Variants in SLC1A2 observed in about 807,000 individuals in gnomAD.
SLC1A2 encodes excitatory amino acid transporter 2.
SLC1A2 carries 15 observed loss-of-function variants against 48.8 expected under a neutral mutation model. The ratio of observed to expected loss-of-function variants is 0.31; its 90% CI spans 0.21 to 0.47. SLC1A2 has a LOEUF of 0.47. SLC1A2 is among the 20% of genes least tolerant of loss of function. SLC1A2 has a pLI of 0.99. For synonymous variants in SLC1A2, 279 were observed against 272.6 expected (o/e 1.02, Z -0.23); for missense variants, 502 against 730.5 (o/e 0.69, Z 3.61).
chr11:35,331,792 G>A (rs1466875961), intron 1 of SLC1A2, among the ~76,000 whole-genome samples: 1 of 152,080 alleles, frequency 6.6e-6, no homozygotes, highest in African/African-American at 2.4e-5. Context: ...CTTTTCCTGA[G>A]CCCCCAATCT....
intron 1 of SLC1A2, among the ~76,000 whole-genome samples, chr11:35,352,997 A>T (rs1853319171): frequency 6.6e-6 from 1 of 152,170 alleles, no homozygotes; most frequent in African/African-American, 2.4e-5. Context: ...TCATTTCAAG[A>T]CCGACTTTGA....
At chr11:35,398,956 TTTC>T (rs1198981443) in intron 1 of SLC1A2, among the ~76,000 whole-genome samples, 2 of 152,160 alleles carry the variant, frequency 1.3e-5, no homozygotes, top group Admixed American at 6.5e-5. Flanking sequence ...GCAGAGGGTG[TTTC>T]AGCAGCTTCC....
chr11:35,407,709 C>T (rs866832863), intron 1 of SLC1A2, among the ~76,000 whole-genome samples: 1 of 152,166 alleles, frequency 6.6e-6, no homozygotes, highest in African/African-American at 2.4e-5. Context: ...ACGATTTGAC[C>T]TCTCCATAGC....
At chr11:35,390,529 A>C (rs953598855) in intron 1 of SLC1A2, among the ~76,000 whole-genome samples, 5 of 152,214 alleles carry the variant, frequency 3.3e-5, no homozygotes, top group Admixed American at 3.3e-4. Flanking sequence ...GATGTGTCAT[A>C]AGTTTAAAAT....
At chr11:35,301,741 C>G in intron 5 of SLC1A2, 96 bp from the exon 6 acceptor site, 2 of 1,138,264 alleles carry the variant, frequency 1.8e-6, no homozygotes, top group Non-Finnish European at 2.6e-6. Context: ...GAGCCATGTT[C>G]TCACTGCTGG....
At chr11:35,364,216 G>T (rs1353952893) in intron 1 of SLC1A2, among the ~76,000 whole-genome samples, 2 of 152,222 alleles carry the variant, frequency 1.3e-5, no homozygotes, top group Non-Finnish European at 2.9e-5. Context: ...ATAGCTGAGG[G>T]TGGGGGCTGT....
chr11:35,275,316 G>A (rs1251366342), intron 9 of SLC1A2, among the ~76,000 whole-genome samples: 3 of 152,288 alleles, frequency 2.0e-5, no homozygotes, highest in East Asian at 1.9e-4. Flanking sequence ...AGGTCCACTC[G>A]GATTTCACTT....
At chr11:35,305,673 C>T (rs11033065) in intron 5 of SLC1A2, among the ~76,000 whole-genome samples, 3,182 of 152,314 alleles carry the variant, frequency 0.021, 50 homozygotes, top group Non-Finnish European at 0.033. Context: ...TGTGGTGGTC[C>T]AGCCCCCGCA....
At chr11:35,299,479 T>C (rs1003096215) in intron 6 of SLC1A2, 1 of 151,774 alleles carries the variant, frequency 6.6e-6, no homozygotes, top group African/African-American at 2.4e-5. Context: ...AAGCTGAGGG[T>C]TCAGTACAAT....
At chr11:35,311,756 A>G (rs1337616773) in intron 4 of SLC1A2, among the ~76,000 whole-genome samples, 1 of 151,862 alleles carries the variant, frequency 6.6e-6, no homozygotes, top group Non-Finnish European at 1.5e-5. Context: ...ACGTTTGAGA[A>G]CCACTGTGTA....
chr11:35,301,412 T>G, intron 6 of SLC1A2, 107 bp downstream of exon 6: 1 of 949,542 alleles, frequency 1.1e-6, no homozygotes, highest in Non-Finnish European at 1.6e-6. Context: ...GGAAAGACAT[T>G]TGATCAGCCC....
At chr11:35,340,831 T>C (rs529941712) in intron 1 of SLC1A2, among the ~76,000 whole-genome samples, 34 of 152,342 alleles carry the variant, frequency 2.2e-4, no homozygotes, top group African/African-American at 7.9e-4. Context: ...CCAGCTTCTC[T>C]GGACTCTTAT....
chr11:35,377,810 G>T (rs1590247001), intron 1 of SLC1A2, among the ~76,000 whole-genome samples: 2 of 152,160 alleles, frequency 1.3e-5, no homozygotes, highest in Admixed American at 6.5e-5. Context: ...TGAACAGAAA[G>T]AAACGTTTTT....
intron 4 of SLC1A2, among the ~76,000 whole-genome samples, chr11:35,310,839 T>C (rs1364411952): frequency 6.6e-6 from 1 of 152,056 alleles, no homozygotes; most frequent in African/African-American, 2.4e-5. Context: ...TTTAAAAAAA[T>C]CTCAAGTTTA....
chr11:35,265,883 T>C (rs1950474879), intron 9 of SLC1A2, 125 bp from the exon 10 acceptor site: 2 of 622,426 alleles, frequency 3.2e-6, no homozygotes, highest in Admixed American at 3.0e-5. Context: ...TCTGCCTGAT[T>C]TGGGGCAAGT....
chr11:35,416,411 A>G (rs1855604373), intron 1 of SLC1A2, among the ~76,000 whole-genome samples: 2 of 152,222 alleles, frequency 1.3e-5, no homozygotes, highest in Admixed American at 1.3e-4. Flanking sequence ...TTTTTGTTGG[A>G]CTGCCTACTT....
intron 1 of SLC1A2, among the ~76,000 whole-genome samples, chr11:35,381,138 G>C (rs761901690): frequency 6.6e-6 from 1 of 151,448 alleles, no homozygotes; most frequent in Non-Finnish European, 1.5e-5. Flanking sequence ...TTCATCATTC[G>C]GGCAGCTTTT....
chr11:35,279,542 C>T lies in SLC1A2; in HGVS notation c.1421+1325G>A, dbSNP rs570472497. On this transcript the variant is annotated intron_variant, in intron 9 of 10. Coordinates refer to ENST00000278379, the MANE Select transcript of SLC1A2 (RefSeq NM_004171.4). The stretch of plus-strand genomic sequence containing the variant: ...GCCTCAGTGCCTTTGTGCAGGCTGG[C>T]CTTGACTGGAATGTCCTGTCTCCCC... Among the ~76,000 whole-genome samples, 5 of 152,304 alleles carry T rather than the reference C, an allele frequency of 3.3e-5. No individual in the cohort carries two copies. In the South Asian group the frequency reaches 8.3e-4, roughly 25 times the overall value.
intron 1 of SLC1A2, among the ~76,000 whole-genome samples, chr11:35,353,257 T>G (rs1158350325): frequency 1.3e-5 from 2 of 152,308 alleles, no homozygotes; most frequent in East Asian, 3.9e-4. Context: ...TCTCCTTTTC[T>G]TGTCTCTTTG....
Sources: allele counts gnomAD v4.1 joint callset (sites outside exome capture counted in the v4.1 genomes callset), GRCh38; gene constraint gnomAD v4.1.1; transcripts MANE v1.5; gene names NCBI Gene and HGNC (gene_info 2026-07-23, HGNC 2026-07-21).